Variants in EPHA10 observed in about 807,000 individuals in gnomAD.
The protein encoded by EPHA10 is EPH receptor A10, also known as ephrin type-A receptor 10.
EPHA10 carries 120 observed loss-of-function variants against 109.7 expected under a neutral mutation model. The observed-to-expected ratio is 1.09, with a 90% CI of 0.94 to 1.27. The LOEUF (loss-of-function observed/expected upper bound fraction) is 1.27, where lower values mean the gene tolerates loss of function less well. EPHA10 is among the 50% of genes most tolerant of loss of function. The pLI is 0.00. For missense variants in EPHA10, 1,396 were observed against 1,411.1 expected, an observed-to-expected ratio of 0.99 and a Z score of 0.17; for synonymous variants, 640 against 618.9, an observed-to-expected ratio of 1.03 and a Z score of -0.51.
rs1173599544 is a variant in EPHA10, at chr1:37,761,913, G to A, written c.342C>T (p.Ser114=). ...TGCAGGTACCCGCGGCGCCAGGGAT[G>A]CTGCTGCAGTCACGGAGTGTGAACT... ...ELQFTLRDCS[S]IPGAAGTCKE... Residue 114 remains serine (S), a synonymous_variant, in exon 3 of 17, where the codon AGC becomes AGT. Coordinates refer to ENST00000373048, the MANE Select transcript of EPHA10 (RefSeq NM_001099439.2). 3.1e-6 allele frequency: 5 copies of A among 1,612,748 alleles called. No individual in the cohort carries two copies. The highest frequency in any genetic ancestry group is 4.2e-6 in the Non-Finnish European group (5 of 1,179,026).
In EPHA10 at chr1:37,727,186, C is replaced by T; in HGVS notation, c.1688G>A (p.Ser563Asn). ...GEAASGSRDQ[S>N]PAIVVTVVTI... The stretch of plus-strand genomic sequence containing the variant: ...CACTACGGTGACGACAATGGCGGGG[C>T]TCTGGTCCCTGGACCCTGAGGCAGC... The change falls in exon 8 of 17, where the codon AGC (serine) becomes AAC (asparagine). Residue 563 changes from serine to asparagine, a missense_variant. Ser to Asn is a conservative substitution (Grantham distance 46, BLOSUM62 1). Transcript: ENST00000373048. The T allele has an allele frequency of 6.2e-7, 1 of 1,610,680 alleles. No individual in the cohort carries two copies. The highest frequency in any genetic ancestry group is 1.1e-5 in the South Asian group (1 of 90,648).
chr1:37,733,827 T>C (rs1646027790), intron 6 of EPHA10, among the ~76,000 whole-genome samples: 1 of 152,030 alleles, frequency 6.6e-6, no homozygotes. Context: ...TTTCTCTCCC[T>C]TTCCAAGCCA....
At position 37,719,515 on chromosome 1, in the gene EPHA10, C is replaced by A; in HGVS notation, c.2655G>T (p.Lys885Asn). 6.2e-7 allele frequency: 1 copy of A among 1,614,058 alleles called. No homozygotes were observed. Among genetic ancestry groups the A allele is most frequent in the Non-Finnish European group, 8.5e-7 (1 of 1,180,028 alleles). ...LHRLMLDCWQ[K>N]DPGERPRFSQ... ...AGAACCTGGGCCGCTCACCTGGGTC[C>A]TTCTGCCAGCAGTCGAGCATTAGTC... The change falls in exon 15 of 17, where the codon AAG becomes AAT. Residue 885 changes from lysine to asparagine, a missense_variant. By Grantham distance (94) the Lys-to-Asn change is moderately conservative (BLOSUM62 0). Transcript: ENST00000373048.
In EPHA10 at chr1:37,754,208, G is replaced by T. The variant is rs1237943356; in HGVS notation, c.1006+7C>A. The T allele has an allele frequency of 7.8e-7, 1 of 1,288,270 alleles. No homozygotes were observed. The allele number at this position is 1,288,270 out of a possible 1,614,324, so 79.8% of individuals were successfully genotyped here. ...CCTCCGCAGTGCAGCCTGGAGGGGGGACTCACGGGTGCAGGAAGCCGAGGG... is the reference window on the plus strand; with the variant it reads ...CCTCCGCAGTGCAGCCTGGAGGGGGTACTCACGGGTGCAGGAAGCCGAGGG... On this transcript the variant is annotated splice_region_variant and intron_variant, in intron 4 of 16. Coordinates refer to ENST00000373048, the MANE Select transcript of EPHA10 (RefSeq NM_001099439.2). The surrounding 1 kb of genome is among the most constrained non-coding windows in gnomAD (Gnocchi z 4.5).
At chr1:37,750,944 G>T (rs1646312959) in intron 5 of EPHA10, among the ~76,000 whole-genome samples, 1 of 152,024 alleles carries the variant, frequency 6.6e-6, no homozygotes, top group African/African-American at 2.4e-5. Context: ...AGTGGCTCAC[G>T]CCTGTAATCC....
chr1:37,722,072 A>T, intron 10 of EPHA10: 2 of 459,506 alleles, frequency 4.4e-6, no homozygotes, highest in Non-Finnish European at 3.9e-6. Context: ...CAGAGGTTTC[A>T]GTGAGCTGAG....
chr1:37,717,680 G>A lies in EPHA10; in HGVS notation c.*692C>T, dbSNP rs986342903. On this transcript the variant is annotated 3_prime_UTR_variant, in exon 17 of 17. Transcript: ENST00000373048. ...GGAGCACCAGGGCCTCTCATGGCCC[G>A]GCCTGGCCAGGACTTTTGGCCTCAC... 5.6e-5 allele frequency: 13 copies of A among 231,362 alleles called. No individual in the cohort carries two copies. The highest frequency in any genetic ancestry group is 1.8e-4 in the South Asian group (1 of 5,516). 14.3% of individuals were successfully genotyped at this position (231,362 alleles called of 1,614,324 possible).
rs867990478 is a variant in EPHA10 at position 37,762,077 on chromosome 1, C to T, written c.178G>A (p.Glu60Lys). ...WTALPSNGWE[E>K]ISGVDEHDRP... ...TCGTGTTCATCCACGCCGCTGATCT[C>T]CTCCCACTGGGGACAAGAGTAAAGG... Residue 60 changes from glutamate to lysine, a missense_variant, in exon 3 of 17, where the codon GAG becomes AAG. Coordinates refer to ENST00000373048, the MANE Select transcript of EPHA10 (RefSeq NM_001099439.2). 8 of 1,583,066 alleles carry T rather than the reference C, an allele frequency of 5.1e-6. No individual in the cohort carries two copies. Among genetic ancestry groups the T allele is most frequent in the South Asian group, 3.5e-5 (3 of 85,720 alleles).
chr1:37,754,051 G>A lies in EPHA10; in HGVS notation c.1006+164C>T, dbSNP rs936687080. Among the ~76,000 whole-genome samples the A allele has an allele frequency of 6.6e-6, 1 of 152,136 alleles. No individual in the cohort carries two copies. The highest frequency in any genetic ancestry group is 1.5e-5 in the Non-Finnish European group (1 of 68,008). On this transcript the variant is annotated intron_variant, in intron 4 of 16. Coordinates refer to ENST00000373048, the MANE Select transcript of EPHA10 (RefSeq NM_001099439.2). This position sits in a 1 kb window ranked among gnomAD's most constrained non-coding sequence, Gnocchi z 4.5. Reference sequence around the variant, plus strand: ...GGCCCCGGCCCCCAGGGCGCGTCCAGGCTCCGCTCCCCCGTACGCCGCCTT... The same window carrying A: ...GGCCCCGGCCCCCAGGGCGCGTCCAAGCTCCGCTCCCCCGTACGCCGCCTT...
chr1:37,764,232 A>T lies in EPHA10; in HGVS notation c.106+729T>A, dbSNP rs895387942. The stretch of plus-strand genomic sequence containing the variant: ...ATCCGCGCAACTGACAGCACATCGG[A>T]ATCGCGAACTGGAAGGCATCAGCCA... On this transcript the variant is annotated intron_variant, in intron 1 of 16. Coordinates refer to ENST00000373048, the MANE Select transcript of EPHA10 (RefSeq NM_001099439.2). This position sits in a 1 kb window ranked among gnomAD's most constrained non-coding sequence, Gnocchi z 5.8. 6.6e-6 allele frequency among the ~76,000 whole-genome samples: 1 copy of T among 151,934 alleles called. No individual in the cohort carries two copies. The highest frequency in any genetic ancestry group is 1.5e-5 in the Non-Finnish European group (1 of 67,982).
intron 5 of EPHA10, among the ~76,000 whole-genome samples, chr1:37,744,663 G>GA (rs35146993): frequency 0.34 from 50,468 of 147,130 alleles, 8,461 homozygotes; most frequent in East Asian, 0.48. Context: ...CCATCTTGGG[G>GA]AAAAAAAAAA....
chr1:37,762,782 T>C lies in EPHA10; in HGVS notation c.171+3A>G. The C allele has an allele frequency of 6.4e-7, 1 of 1,551,882 alleles. No homozygotes were observed. Among genetic ancestry groups the C allele is most frequent in the Non-Finnish European group, 8.7e-7 (1 of 1,146,952 alleles). ...GGACAGGGAGGGACACTTGTGCACTTACCCCATTACTTGGCAGTGCAGTCC... is the reference window on the plus strand; with the variant it reads ...GGACAGGGAGGGACACTTGTGCACTCACCCCATTACTTGGCAGTGCAGTCC... On this transcript the variant is annotated splice_donor_region_variant and intron_variant, in intron 2 of 16. Transcript: ENST00000373048.
intron 3 of EPHA10, chr1:37,760,288 C>G: frequency 9.7e-7 from 1 of 1,033,820 alleles, no homozygotes; most frequent in Non-Finnish European, 1.2e-6. Flanking sequence ...AAAAGCATAC[C>G]TTGATCTTTC....
At position 37,764,475 on chromosome 1, in the gene EPHA10, T is replaced by A. The variant is rs988874533; in HGVS notation, c.106+486A>T. 6.6e-6 allele frequency among the ~76,000 whole-genome samples: 1 copy of A among 152,310 alleles called. No individual in the cohort carries two copies. Among genetic ancestry groups the A allele is most frequent in the South Asian group, 2.1e-4 (1 of 4,828 alleles). ...CTCAGAATTCAGCACTGCGGACAGT[T>A]CCATGATCAGCACGTCGGGCAGCGC... is the stretch of plus-strand genomic sequence containing the variant. On this transcript the variant is annotated intron_variant, in intron 1 of 16. Coordinates refer to ENST00000373048, the MANE Select transcript of EPHA10 (RefSeq NM_001099439.2). This position sits in a 1 kb window ranked among gnomAD's most constrained non-coding sequence, Gnocchi z 5.8.
chr1:37,741,860 G>C (rs557465219), intron 5 of EPHA10, among the ~76,000 whole-genome samples: 3 of 152,168 alleles, frequency 2.0e-5, no homozygotes, highest in African/African-American at 7.2e-5. Context: ...TATCCCCCGG[G>C]GGCGCTTCTC....
chr1:37,737,680 G>A (rs1454616227), intron 5 of EPHA10, among the ~76,000 whole-genome samples: 1 of 152,190 alleles, frequency 6.6e-6, no homozygotes, highest in South Asian at 2.1e-4. Flanking sequence ...CAGGGGAAAA[G>A]ATTCATGACA....
chr1:37,716,297 T>C lies in EPHA10; in HGVS notation c.*2075A>G. 4.0e-6 allele frequency: 1 copy of C among 251,402 alleles called. No homozygotes were observed. The highest frequency in any genetic ancestry group is 7.7e-6 in the Non-Finnish European group (1 of 130,116). 15.6% of individuals were successfully genotyped at this position (251,402 alleles called of 1,614,324 possible). ...CTGCCAACACAGCCAGGGGCCCTTCTGCAGAAACAGCTGGGGTAGGGGGAG... is the reference window on the plus strand; with the variant it reads ...CTGCCAACACAGCCAGGGGCCCTTCCGCAGAAACAGCTGGGGTAGGGGGAG... On this transcript the variant is annotated 3_prime_UTR_variant, in exon 17 of 17. Transcript: ENST00000373048.
In EPHA10 at chr1:37,754,236, G is replaced by GGTCGGTGGGTGAGCGCGC; in HGVS notation, c.967_984dup (p.Ala323_Asp328dup). On this transcript the variant is annotated inframe_insertion, in exon 4 of 17. Coordinates refer to ENST00000373048, the MANE Select transcript of EPHA10 (RefSeq NM_001099439.2). This position sits in a 1 kb window ranked among gnomAD's most constrained non-coding sequence, Gnocchi z 4.5. ...TCACGGGTGCAGGAAGCCGAGGGCGGGTCGGTGGGTGAGCGCGCATAGCTG... is the reference window on the plus strand; with the variant it reads ...TCACGGGTGCAGGAAGCCGAGGGCGGGTCGGTGGGTGAGCGCGCGTCGGTGGGTGAGCGCGCATAGCTG... 2 of 1,313,436 alleles carry GGTCGGTGGGTGAGCGCGC rather than the reference G, an allele frequency of 1.5e-6. No homozygotes were observed. The highest frequency in any genetic ancestry group is 2.0e-6 in the Non-Finnish European group (2 of 1,025,176). 81.4% of individuals were successfully genotyped at this position (1,313,436 alleles called of 1,614,324 possible).
intron 15 of EPHA10, among the ~76,000 whole-genome samples, 188 bp downstream of exon 15, chr1:37,719,226 A>G (rs1384625853): frequency 6.6e-6 from 1 of 152,196 alleles, no homozygotes; most frequent in African/African-American, 2.4e-5. Flanking sequence ...GGAGAAGCAG[A>G]AGTGACCAGG....
Sources: gnomAD v4.1 joint callset for allele counts (sites outside exome capture counted in the v4.1 genomes callset) on GRCh38, gnomAD v4.1.1 for gene constraint, Gnocchi (gnomAD v3.1) non-coding constraint, MANE v1.5 for transcripts, NCBI Gene and HGNC (gene_info 2026-07-23, HGNC 2026-07-21) for gene names.